The following GHR variants were observed in gnomAD, a reference collection of about 807,000 sequenced individuals.
The protein encoded by GHR is GH receptor.
Under a neutral mutation model 67.1 loss-of-function variants are expected in GHR, and 35 were observed. That is an observed-to-expected ratio of 0.52 (90% CI 0.40 to 0.69). The LOEUF (loss-of-function observed/expected upper bound fraction) is 0.69. Ranked by LOEUF, GHR falls within the 30% of genes least tolerant of loss-of-function variation. The pLI, the probability that GHR is intolerant of heterozygous loss-of-function variation, is 0.00. For synonymous variants in GHR, 272 were observed against 269.1 expected, an observed-to-expected ratio of 1.01 and a Z score of -0.10; for missense variants, 792 against 764.6, an observed-to-expected ratio of 1.04 and a Z score of -0.42.
chr5:42,718,326 T>G, intron 9 of GHR, 127 bp from the exon 10 acceptor site: 4 of 693,222 alleles, frequency 5.8e-6, no homozygotes, highest in South Asian at 1.8e-5. Flanking sequence ...CTAATTTATG[T>G]TTTTTTATAT....
chr5:42,457,978 G>A (rs984783915), intron 1 of GHR, among the ~76,000 whole-genome samples: 1 of 152,178 alleles, frequency 6.6e-6, no homozygotes, highest in Non-Finnish European at 1.5e-5. Flanking sequence ...CTAGAATCAG[G>A]TGTAATATCA....
intron 1 of GHR, among the ~76,000 whole-genome samples, chr5:42,483,730 T>G (rs754838470): frequency 1.3e-3 from 205 of 152,188 alleles, no homozygotes; most frequent in Non-Finnish European, 2.6e-3. Flanking sequence ...TCTTAGCCCA[T>G]GTCCATAACA....
intron 1 of GHR, among the ~76,000 whole-genome samples, chr5:42,427,440 T>C (rs1056455883): frequency 1.3e-5 from 2 of 152,180 alleles, no homozygotes; most frequent in Non-Finnish European, 2.9e-5. Flanking sequence ...GAGAACAACA[T>C]GGGAAAAACC....
rs146801002 is a variant in GHR at position 42,509,799 on chromosome 5, C to T, written c.-11-56065C>T. On this transcript the variant is annotated intron_variant, in intron 1 of 9. Coordinates refer to ENST00000230882, the MANE Select transcript of GHR (RefSeq NM_000163.5). ...CCTATTTTAGGAATCCAGGCTTTAA[C>T]GCTAACAGTTACAAATTAAGCCACA... Among the ~76,000 whole-genome samples the T allele has an allele frequency of 1.0e-3, 152 of 151,550 alleles. 1 individual carries two copies. The highest frequency in any genetic ancestry group is 3.4e-3 in the Middle Eastern group (1 of 292).
chr5:42,483,494 TAA>T (rs145669021), intron 1 of GHR, among the ~76,000 whole-genome samples: 2,850 of 135,038 alleles, frequency 0.021, 155 homozygotes, highest in East Asian at 0.14. Context: ...TTGGACATGT[TAA>T]AAAAAAAAAA....
intron 1 of GHR, among the ~76,000 whole-genome samples, chr5:42,543,586 T>C (rs1748610488): frequency 6.6e-6 from 1 of 152,146 alleles, no homozygotes; most frequent in Non-Finnish European, 1.5e-5. Flanking sequence ...AATAAAAATC[T>C]TCCACCAGTC....
At chr5:42,549,101 G>A (rs186150226) in intron 1 of GHR, among the ~76,000 whole-genome samples, 12 of 152,350 alleles carry the variant, frequency 7.9e-5, no homozygotes, top group South Asian at 4.1e-4. Context: ...GAAGGAAAGA[G>A]AAATAGGGCT....
Position 42,688,895 on chromosome 5 carries a change from T to C in GHR, c.142T>C (p.Ser48Pro), listed in dbSNP as rs760015266. Residue 48 changes from serine to proline, a missense_variant, in exon 4 of 10, where the codon TCT becomes CCT. Coordinates refer to ENST00000230882, the MANE Select transcript of GHR (RefSeq NM_000163.5). ...CTTTTCTTTTTATTCTGCAGATTCT[T>C]CTAAGGAGCCTAAATTCACCAAGTG... Reference protein sequence around the residue: ...SVNPGLKTNSSKEPKFTKCRS... With the variant: ...SVNPGLKTNSPKEPKFTKCRS... 1.9e-6 allele frequency: 3 copies of C among 1,613,900 alleles called. No homozygotes were observed. Among genetic ancestry groups the C allele is most frequent in the South Asian group, 2.2e-5 (2 of 91,078 alleles).
chr5:42,531,648 T>G (rs1747974772), intron 1 of GHR, among the ~76,000 whole-genome samples: 1 of 152,190 alleles, frequency 6.6e-6, no homozygotes, highest in Non-Finnish European at 1.5e-5. Context: ...TTGCTGCCTT[T>G]TATGGTTACT....
At chr5:42,488,434 A>G (rs1271394368) in intron 1 of GHR, among the ~76,000 whole-genome samples, 1 of 152,120 alleles carries the variant, frequency 6.6e-6, no homozygotes, top group Non-Finnish European at 1.5e-5. Context: ...GCGCACAATT[A>G]CTGTATTCTT....
At chr5:42,707,197 C>G (rs751386870) in intron 6 of GHR, among the ~76,000 whole-genome samples, 1 of 151,916 alleles carries the variant, frequency 6.6e-6, no homozygotes, top group Non-Finnish European at 1.5e-5. Context: ...ATAAAAAACT[C>G]TACACTTTTA....
intron 1 of GHR, among the ~76,000 whole-genome samples, chr5:42,469,884 C>G (rs1433418704): frequency 1.3e-5 from 2 of 152,008 alleles, no homozygotes; most frequent in African/African-American, 4.8e-5. Flanking sequence ...CCTAGGGACA[C>G]TTAACGGAGT....
At chr5:42,554,746 T>G (rs1749218380) in intron 1 of GHR, among the ~76,000 whole-genome samples, 1 of 152,124 alleles carries the variant, frequency 6.6e-6, no homozygotes, top group African/African-American at 2.4e-5. Flanking sequence ...AGATCCAGTA[T>G]GAGAAAAAAG....
intron 2 of GHR, among the ~76,000 whole-genome samples, chr5:42,594,667 T>C (rs978121077): frequency 6.6e-6 from 1 of 152,208 alleles, no homozygotes; most frequent in Non-Finnish European, 1.5e-5. Context: ...CACTTTTCTA[T>C]ACTTGGTAAC....
At chr5:42,652,465 G>A (rs139674053) in intron 3 of GHR, among the ~76,000 whole-genome samples, 108 of 152,206 alleles carry the variant, frequency 7.1e-4, no homozygotes, top group African/African-American at 2.6e-3. Context: ...TGGTTACTGT[G>A]TTAAGAAGAA....
intron 6 of GHR, among the ~76,000 whole-genome samples, chr5:42,703,026 T>C (rs1037577487): frequency 6.6e-6 from 1 of 152,020 alleles, no homozygotes; most frequent in African/African-American, 2.4e-5. Flanking sequence ...CTCTGTTGAT[T>C]GTTTCCTTGG....
At chr5:42,691,925 C>T (rs759910291) in intron 4 of GHR, among the ~76,000 whole-genome samples, 18 of 152,324 alleles carry the variant, frequency 1.2e-4, no homozygotes, top group Non-Finnish European at 2.1e-4. Context: ...CTCTGGGAAG[C>T]ATGTTCGAGC....
At chr5:42,531,963 A>G (rs1458050233) in intron 1 of GHR, among the ~76,000 whole-genome samples, 1 of 151,742 alleles carries the variant, frequency 6.6e-6, no homozygotes, top group African/African-American at 2.4e-5. Context: ...TGTTTCTCGT[A>G]GGCTAGTGAG....
chr5:42,526,738 T>G (rs942961736), intron 1 of GHR, among the ~76,000 whole-genome samples: 1 of 151,950 alleles, frequency 6.6e-6, no homozygotes, highest in Non-Finnish European at 1.5e-5. Context: ...AGAGAACCCC[T>G]GCAAGATTCT....
Sources: allele counts gnomAD v4.1 joint callset (sites outside exome capture counted in the v4.1 genomes callset), GRCh38; gene constraint gnomAD v4.1.1; transcripts MANE v1.5; gene names NCBI Gene and HGNC (gene_info 2026-07-23, HGNC 2026-07-21).